The following ARFGEF3 variants were observed in gnomAD, a reference collection of about 807,000 sequenced individuals.
The protein encoded by ARFGEF3 is brefeldin A-inhibited guanine nucleotide-exchange protein 3.
In ARFGEF3, 96 loss-of-function variants were observed where a neutral mutation model predicts 221.7. That is an observed-to-expected ratio of 0.43 (90% CI 0.37 to 0.51). The LOEUF (loss-of-function observed/expected upper bound fraction) is 0.51, where lower values mean the gene tolerates loss of function less well. Ranked by LOEUF, ARFGEF3 falls within the 20% of genes least tolerant of loss-of-function variation. ARFGEF3 has a pLI of 0.00. For missense variants in ARFGEF3, 2,410 were observed against 2,789.9 expected (o/e 0.86, Z 3.07); for synonymous variants, 1,145 against 1,126.8 (o/e 1.02, Z -0.32).
rs967980719 is a variant in ARFGEF3, at chr6:138,280,165, G to T, written c.2461+1G>T. On this transcript the variant is annotated splice_donor_variant, in intron 14 of 33. Coordinates refer to ENST00000251691, the MANE Select transcript of ARFGEF3 (RefSeq NM_020340.5). LOFTEE classifies it high-confidence loss of function. Reference sequence around the variant, plus strand: ...CTTCCCCTCATCACAATGCTGACCGGTCAGTGGTTCGTTGCAAGGCCTTGG... The same window carrying T: ...CTTCCCCTCATCACAATGCTGACCGTTCAGTGGTTCGTTGCAAGGCCTTGG... 3 of 1,613,344 alleles carry T rather than the reference G, an allele frequency of 1.9e-6. No individual in the cohort carries two copies. Among genetic ancestry groups the T allele is most frequent in the African/African-American group, 1.3e-5 (1 of 74,912 alleles).
chr6:138,336,525 G>A lies in ARFGEF3; in HGVS notation c.*39G>A, dbSNP rs1026303018. The stretch of plus-strand genomic sequence containing the variant: ...TACTCTCCCACCAAATAACAGTAGT[G>A]AGGGTTAGAGTCCTGCCAATACAGC... On this transcript the variant is annotated 3_prime_UTR_variant, in exon 34 of 34. Coordinates refer to ENST00000251691, the MANE Select transcript of ARFGEF3 (RefSeq NM_020340.5). The A allele has an allele frequency of 6.6e-7, 1 of 1,524,120 alleles. No homozygotes were observed. Among genetic ancestry groups the A allele is most frequent in the Admixed American group, 1.8e-5 (1 of 54,162 alleles). The allele number at this position is 1,524,120 out of a possible 1,614,324, so 94.4% of individuals were successfully genotyped here. A position where few individuals can be genotyped will look rare whatever the true frequency, so the allele number is the denominator to read the frequency against.
rs531705532 is a variant in ARFGEF3 at position 138,325,690 on chromosome 6, C to T, written c.5001+1536C>T. Among the ~76,000 whole-genome samples the T allele has an allele frequency of 4.9e-4, 74 of 152,278 alleles. 2 individuals carry two copies. Among genetic ancestry groups the T allele is most frequent in the African/African-American group, 1.7e-3 (70 of 41,550 alleles). ...GTTACGTCTGGCTAAAGCATTTGCA[C>T]GTGTGCACACAGTGGTCTCTGCAAC... On this transcript the variant is annotated intron_variant, in intron 31 of 33. Coordinates refer to ENST00000251691, the MANE Select transcript of ARFGEF3 (RefSeq NM_020340.5).
intron 22 of ARFGEF3, among the ~76,000 whole-genome samples, chr6:138,304,344 G>T: frequency 6.6e-6 from 1 of 152,178 alleles, no homozygotes; most frequent in East Asian, 1.9e-4. Flanking sequence ...CTGAGGGTGG[G>T]GTGGTGGAGT....
intron 10 of ARFGEF3, among the ~76,000 whole-genome samples, chr6:138,261,173 A>G (rs1413486262): frequency 2.0e-5 from 3 of 152,236 alleles, no homozygotes; most frequent in Non-Finnish European, 4.4e-5. Context: ...CTTGATACCA[A>G]AATAAGACAA....
intron 8 of ARFGEF3, among the ~76,000 whole-genome samples, chr6:138,253,068 C>T (rs1478600827): frequency 6.6e-6 from 1 of 152,124 alleles, no homozygotes; most frequent in Non-Finnish European, 1.5e-5. Flanking sequence ...AAGTCTAATG[C>T]AAGTTCACAA....
At chr6:138,236,261 A>G (rs1046762857) in intron 5 of ARFGEF3, among the ~76,000 whole-genome samples, 1 of 152,202 alleles carries the variant, frequency 6.6e-6, no homozygotes, top group South Asian at 2.1e-4. Flanking sequence ...AAACTCCCCC[A>G]TAAATTTAAA....
intron 17 of ARFGEF3, 135 bp from the exon 18 acceptor site, chr6:138,289,683 C>A: frequency 1.1e-6 from 1 of 894,442 alleles, no homozygotes; most frequent in Non-Finnish European, 1.8e-6. Context: ...CCGCAAGGAC[C>A]TACTGTGGAG....
chr6:138,258,841 C>G (rs1320142974), intron 10 of ARFGEF3, among the ~76,000 whole-genome samples: 1 of 152,174 alleles, frequency 6.6e-6, no homozygotes, highest in African/African-American at 2.4e-5. Context: ...ATGACAGGCA[C>G]TACAGCAGTC....
chr6:138,247,141 G>T (rs1778498567), intron 8 of ARFGEF3, among the ~76,000 whole-genome samples: 1 of 152,158 alleles, frequency 6.6e-6, no homozygotes, highest in Admixed American at 6.5e-5. Flanking sequence ...GCAGGTCTGG[G>T]CTTCCCCTTG....
chr6:138,220,922 T>G (rs1777972381), intron 4 of ARFGEF3, among the ~76,000 whole-genome samples: 1 of 152,224 alleles, frequency 6.6e-6, no homozygotes, highest in South Asian at 2.1e-4. Flanking sequence ...CAAGTTCATA[T>G]TCTAAAATAA....
Position 138,255,524 on chromosome 6 carries a change from A to G in ARFGEF3, c.859A>G (p.Thr287Ala). 1 of 1,614,014 alleles carries G rather than the reference A, an allele frequency of 6.2e-7. No individual in the cohort carries two copies. The highest frequency in any genetic ancestry group is 2.2e-5 in the East Asian group (1 of 44,880). The change falls in exon 10 of 34, where the codon ACC (threonine) becomes GCC (alanine). Residue 287 changes from threonine (T) to alanine (A), a missense_variant. Physicochemically the swap from Thr to Ala is moderately conservative, Grantham distance 58. This residue lies in a region of ARFGEF3 where 570 missense variants were observed against 586.9 expected (regional missense o/e 0.97). Transcript: ENST00000251691. ...ITSAHTSSTS[T>A]SLESDSASPG... The stretch of plus-strand genomic sequence containing the variant: ...CTCTGCTCACACCAGCAGCACCAGT[A>G]CCAGCCTGGAGTCGGACTCTGCGTC...
chr6:138,165,708 C>G (rs2114419532), intron 1 of ARFGEF3, among the ~76,000 whole-genome samples: 1 of 152,214 alleles, frequency 6.6e-6, no homozygotes, highest in East Asian at 1.9e-4. Context: ...GGGTCACTCC[C>G]CACTGAGACA....
intron 22 of ARFGEF3, among the ~76,000 whole-genome samples, chr6:138,305,917 A>G (rs1365906748): frequency 6.6e-6 from 1 of 152,184 alleles, no homozygotes; most frequent in African/African-American, 2.4e-5. Context: ...ATGATGAAAG[A>G]CAGTGTTTTT....
intron 7 of ARFGEF3, among the ~76,000 whole-genome samples, chr6:138,243,637 T>G (rs943206531): frequency 7.9e-5 from 12 of 152,202 alleles, no homozygotes; most frequent in Non-Finnish European, 1.5e-4. Flanking sequence ...GTTCAGTAAT[T>G]TTTTAAATAC....
At chr6:138,189,677 A>G (rs1367367905) in intron 2 of ARFGEF3, among the ~76,000 whole-genome samples, 1 of 152,226 alleles carries the variant, frequency 6.6e-6, no homozygotes, top group African/African-American at 2.4e-5. Flanking sequence ...GGCAGGAAGG[A>G]AAGTCGTTTT....
intron 19 of ARFGEF3, 21 bp from the exon 20 acceptor site, chr6:138,293,972 T>A (rs1328020959): frequency 6.2e-7 from 1 of 1,609,698 alleles, no homozygotes; most frequent in South Asian, 1.1e-5. Flanking sequence ...AAAGAACACA[T>A]CTCTTTCTGT....
chr6:138,312,165 T>A (rs926224198), intron 25 of ARFGEF3, among the ~76,000 whole-genome samples: 27 of 151,540 alleles, frequency 1.8e-4, no homozygotes, highest in African/African-American at 3.1e-4. Context: ...CAAAAAAAAA[T>A]TTTTTTTAAT....
chr6:138,298,802 C>A lies in ARFGEF3; in HGVS notation c.3828+17C>A. ...CAAGACCAGGTCAGTGTGACATGGT[C>A]ATCAGCGTCATAGCTGGCTCTTACT... On this transcript the variant is annotated intron_variant, in intron 22 of 33. Transcript: ENST00000251691. The A allele has an allele frequency of 1.9e-6, 3 of 1,600,362 alleles. No individual in the cohort carries two copies. In the South Asian group the frequency reaches 3.4e-5, roughly 18 times the overall value.
At chr6:138,193,192 A>G (rs1341173636) in intron 2 of ARFGEF3, among the ~76,000 whole-genome samples, 2 of 152,090 alleles carry the variant, frequency 1.3e-5, no homozygotes, top group Non-Finnish European at 2.9e-5. Context: ...CCCCCTCTGT[A>G]CCTTTGCATT....
Sources: allele counts gnomAD v4.1 joint callset (sites outside exome capture counted in the v4.1 genomes callset), GRCh38; gene constraint gnomAD v4.1.1; regional missense constraint gnomAD v4.1.1; transcripts MANE v1.5; gene names NCBI Gene and HGNC (gene_info 2026-07-23, HGNC 2026-07-21).